The following CNTNAP2 variants were observed in gnomAD, a reference collection of about 807,000 sequenced individuals.
The protein encoded by CNTNAP2 is contactin-associated protein-like 2.
In CNTNAP2, 98 loss-of-function variants were observed where a neutral mutation model predicts 155.2. The observed-to-expected ratio is 0.63, with a 90% CI of 0.54 to 0.75. CNTNAP2 has a LOEUF of 0.75. Among genes scored for constraint, CNTNAP2 ranks in the 30% least tolerant of loss-of-function variants. CNTNAP2 has a pLI of 0.00. For missense variants in CNTNAP2, 1,727 were observed against 1,688.1 expected (o/e 1.02, Z -0.40); for synonymous variants, 651 against 631.2 (o/e 1.03, Z -0.47).
intron 13 of CNTNAP2, among the ~76,000 whole-genome samples, chr7:147,868,566 C>T (rs1799272147): frequency 6.6e-6 from 1 of 152,248 alleles, no homozygotes. Context: ...GAGCTATGCC[C>T]TGCCCACAGA....
At chr7:147,384,316 T>G (rs1411790332) in intron 9 of CNTNAP2, among the ~76,000 whole-genome samples, 1 of 152,218 alleles carries the variant, frequency 6.6e-6, no homozygotes, top group African/African-American at 2.4e-5. Flanking sequence ...TACACATATT[T>G]AATGGTTTAA....
intron 13 of CNTNAP2, among the ~76,000 whole-genome samples, chr7:147,830,114 T>C (rs1047829905): frequency 5.3e-5 from 8 of 151,442 alleles, no homozygotes; most frequent in African/African-American, 1.7e-4. Context: ...GAATCTGAGA[T>C]TGTGAGTGGC....
chr7:147,949,214 G>T (rs1466552723), intron 14 of CNTNAP2, among the ~76,000 whole-genome samples: 4 of 151,006 alleles, frequency 2.6e-5, no homozygotes, highest in Admixed American at 2.0e-4. Context: ...AAAAAGAAAA[G>T]AAAAAAGAAA....
At chr7:147,132,220 C>T (rs776626910) in intron 7 of CNTNAP2, 25 bp from the exon 8 acceptor site, 14 of 1,613,168 alleles carry the variant, frequency 8.7e-6, no homozygotes, top group Non-Finnish European at 1.1e-5. Flanking sequence ...GTGTTTTCCT[C>T]AGAGCCTGTC....
chr7:146,805,168 A>G (rs978852764), intron 2 of CNTNAP2, among the ~76,000 whole-genome samples: 2 of 152,152 alleles, frequency 1.3e-5, no homozygotes, highest in African/African-American at 2.4e-5. Context: ...GGAAGATATG[A>G]GCCAGGTATC....
At chr7:146,712,737 A>C (rs985660748) in intron 1 of CNTNAP2, among the ~76,000 whole-genome samples, 3 of 151,954 alleles carry the variant, frequency 2.0e-5, no homozygotes, top group African/African-American at 4.8e-5. Context: ...TTGGTTATAC[A>C]CAACATGCTT....
At position 147,753,716 on chromosome 7, in the gene CNTNAP2, A is replaced by C. The variant is rs570193777; in HGVS notation, c.2098+114410A>C. On this transcript the variant is annotated intron_variant, in intron 13 of 23. Coordinates refer to ENST00000361727, the MANE Select transcript of CNTNAP2 (RefSeq NM_014141.6). ...CACTCAGGACTTTGCAAAAGAGATGAAGGTCGCACAATTCACTACATGGAA... is the reference window on the plus strand; with the variant it reads ...CACTCAGGACTTTGCAAAAGAGATGCAGGTCGCACAATTCACTACATGGAA... 1.6e-4 allele frequency among the ~76,000 whole-genome samples: 24 copies of C among 152,298 alleles called. No individual in the cohort carries two copies. The East Asian group carries it at 4.6e-3, about 29-fold the overall frequency.
intron 13 of CNTNAP2, among the ~76,000 whole-genome samples, chr7:147,746,602 G>C (rs989090759): frequency 2.6e-5 from 4 of 152,006 alleles, no homozygotes; most frequent in African/African-American, 9.7e-5. Context: ...GTTATCCCAT[G>C]CTACTTCCCT....
Position 146,712,169 on chromosome 7 carries a change from CAAA to C in CNTNAP2, c.98-62101_98-62099del, listed in dbSNP as rs1563199116. ...ATATAGTATACATATCTTATGTATA[CAAA>C]TATGTATACATATCTTATGTATACA... is the stretch of plus-strand genomic sequence containing the variant. On this transcript the variant is annotated intron_variant, in intron 1 of 23. Coordinates refer to ENST00000361727, the MANE Select transcript of CNTNAP2 (RefSeq NM_014141.6). Among the ~76,000 whole-genome samples, 63 of 115,032 alleles carry C rather than the reference CAAA, an allele frequency of 5.5e-4. 1 individual carries two copies. Among genetic ancestry groups the C allele is most frequent in the African/African-American group, 1.8e-3 (50 of 28,166 alleles). The allele number at this position is 115,032 out of a possible 152,430, so 75.5% of individuals were successfully genotyped here. A position where few individuals can be genotyped will look rare whatever the true frequency, so the allele number is the denominator to read the frequency against.
At chr7:147,167,373 A>G (rs1454930291) in intron 8 of CNTNAP2, 2 of 1,059,180 alleles carry the variant, frequency 1.9e-6, no homozygotes, top group Admixed American at 2.4e-5. Context: ...GTACTAAGAC[A>G]TTTCTGCCAA....
chr7:147,921,226 ATTGT>A (rs1800274629), intron 14 of CNTNAP2, among the ~76,000 whole-genome samples: 1 of 152,080 alleles, frequency 6.6e-6, no homozygotes, highest in Non-Finnish European at 1.5e-5. Flanking sequence ...GAGCTTTCCC[ATTGT>A]AACAGCCTCA....
chr7:146,227,658 G>A (rs763752108), intron 1 of CNTNAP2, among the ~76,000 whole-genome samples: 19 of 152,056 alleles, frequency 1.2e-4, no homozygotes, highest in African/African-American at 3.1e-4. Context: ...AAAAATAACC[G>A]GAAGAGTGCA....
chr7:146,206,426 T>C (rs1399993528), intron 1 of CNTNAP2, among the ~76,000 whole-genome samples: 2 of 151,900 alleles, frequency 1.3e-5, no homozygotes, highest in Non-Finnish European at 2.9e-5. Context: ...CTGTCTTGGA[T>C]GCTGTTAGGA....
At chr7:148,096,420 C>T (rs1563198056) in intron 15 of CNTNAP2, among the ~76,000 whole-genome samples, 1 of 151,834 alleles carries the variant, frequency 6.6e-6, no homozygotes, top group Non-Finnish European at 1.5e-5. Context: ...TGTGTTGATA[C>T]ATGAAATCAT....
chr7:146,133,767 A>ATCTAT (rs1158393716), intron 1 of CNTNAP2, among the ~76,000 whole-genome samples: 5 of 151,950 alleles, frequency 3.3e-5, no homozygotes, highest in Admixed American at 6.6e-5. Flanking sequence ...TGTTCCATTG[A>ATCTAT]TCTATATCTC....
At chr7:147,784,728 T>C (rs1797712948) in intron 13 of CNTNAP2, among the ~76,000 whole-genome samples, 1 of 151,064 alleles carries the variant, frequency 6.6e-6, no homozygotes, top group African/African-American at 2.4e-5. Context: ...TAAATATATA[T>C]GCTGATTGCA....
intron 16 of CNTNAP2, among the ~76,000 whole-genome samples, chr7:148,132,126 C>T (rs1014211499): frequency 6.6e-6 from 1 of 152,038 alleles, no homozygotes; most frequent in Non-Finnish European, 1.5e-5. Flanking sequence ...AATTTTAAAA[C>T]ATGTTTTAAA....
chr7:146,463,571 C>T (rs548017511), intron 1 of CNTNAP2, among the ~76,000 whole-genome samples: 23 of 151,802 alleles, frequency 1.5e-4, no homozygotes, highest in African/African-American at 2.7e-4. Flanking sequence ...CACACATATA[C>T]GTACATATAT....
chr7:148,284,741 C>T (rs1408833380), intron 21 of CNTNAP2, among the ~76,000 whole-genome samples: 3 of 152,044 alleles, frequency 2.0e-5, no homozygotes, highest in African/African-American at 7.2e-5. Flanking sequence ...TACAAAGACC[C>T]TTTATGTAAT....
Sources: gnomAD v4.1 joint callset for allele counts (sites outside exome capture counted in the v4.1 genomes callset) on GRCh38, gnomAD v4.1.1 for gene constraint, MANE v1.5 for transcripts, NCBI Gene and HGNC (gene_info 2026-07-23, HGNC 2026-07-21) for gene names.